ADAMTS18: variants seen among roughly 807,000 people sequenced by gnomAD.
ADAMTS18 encodes ADAM metallopeptidase with thrombospondin type 1 motif 18, also known as A disintegrin and metalloproteinase with thrombospondin motifs 18.
ADAMTS18 carries 157 observed loss-of-function variants against 165.9 expected under a neutral mutation model. That is an observed-to-expected ratio of 0.95 (90% CI 0.83 to 1.08). The LOEUF (loss-of-function observed/expected upper bound fraction) is 1.08, where lower values mean the gene tolerates loss of function less well. Among genes scored for constraint, ADAMTS18 ranks in the 50% least tolerant of loss-of-function variants. ADAMTS18 has a pLI of 0.00. For synonymous variants in ADAMTS18, 782 were observed against 578.2 expected (o/e 1.35, Z -5.06); for missense variants, 2,040 against 1,534.0 (o/e 1.33, Z -5.51).
chr16:77,362,247 G>A lies in ADAMTS18; in HGVS notation c.1074C>T (p.Asn358=), dbSNP rs2056726819. Residue 358 remains asparagine, a synonymous_variant, in exon 7 of 23, where the codon AAC becomes AAT. Coordinates refer to ENST00000282849, the MANE Select transcript of ADAMTS18 (RefSeq NM_199355.4). ...LEQEPGGLLI[N]HHADQSLNSF... ...TATTCAGAGACTGGTCTGCATGATG[G>A]TTGATCAATAATCCTCCCTATGGGA... 1 of 1,614,022 alleles carries A rather than the reference G, an allele frequency of 6.2e-7. No individual in the cohort carries two copies. The highest frequency in any genetic ancestry group is 1.3e-5 in the African/African-American group (1 of 74,938).
intron 10 of ADAMTS18, among the ~76,000 whole-genome samples, chr16:77,349,184 T>C (rs2056519411): frequency 6.6e-6 from 1 of 152,262 alleles, no homozygotes; most frequent in African/African-American, 2.4e-5. Context: ...AAGTTAAATG[T>C]TGGAACCCCA....
At chr16:77,423,539 A>G (rs1188537257) in intron 3 of ADAMTS18, among the ~76,000 whole-genome samples, 1 of 152,148 alleles carries the variant, frequency 6.6e-6, no homozygotes, top group African/African-American at 2.4e-5. Context: ...GAGAAGTACT[A>G]TCATTATCCT....
intron 3 of ADAMTS18, among the ~76,000 whole-genome samples, chr16:77,400,490 T>G (rs1360744800): frequency 1.3e-4 from 19 of 148,996 alleles, no homozygotes; most frequent in South Asian, 6.3e-4. Flanking sequence ...GTTTTGTTTT[T>G]TTTTTTTTTG....
rs140390710 is a variant in ADAMTS18 at position 77,408,239 on chromosome 16, G to A, written c.495+23056C>T. Among the ~76,000 whole-genome samples, 958 of 152,232 alleles carry A rather than the reference G, an allele frequency of 6.3e-3. 13 individuals are homozygous for A. Among genetic ancestry groups the A allele is most frequent in the African/African-American group, 0.022 (921 of 41,554 alleles). ...CAAAGATGAGGAACATGTGGAACTT[G>A]TGTGGAGAGTTTGTGGGAATGTAAA... On this transcript the variant is annotated intron_variant, in intron 3 of 22. Transcript: ENST00000282849.
At chr16:77,376,809 C>CTTT (rs549942617) in intron 3 of ADAMTS18, among the ~76,000 whole-genome samples, 1,045 of 103,426 alleles carry the variant, frequency 0.01, 28 homozygotes, top group African/African-American at 0.018. Context: ...CTAAATCATT[C>CTTT]TTTTTTTTTT....
At chr16:77,373,608 C>T (rs542206128) in intron 3 of ADAMTS18, among the ~76,000 whole-genome samples, 6 of 151,966 alleles carry the variant, frequency 3.9e-5, no homozygotes, top group South Asian at 4.2e-4. Flanking sequence ...AAATTGGGTG[C>T]GGTGTATACT....
At chr16:77,308,914 T>C (rs185318196) in intron 16 of ADAMTS18, among the ~76,000 whole-genome samples, 1 of 152,298 alleles carries the variant, frequency 6.6e-6, no homozygotes, top group African/African-American at 2.4e-5. Flanking sequence ...AGAATTAAAA[T>C]AGATTTAGTT....
intron 16 of ADAMTS18, among the ~76,000 whole-genome samples, chr16:77,308,317 T>C (rs2055718137): frequency 6.6e-6 from 1 of 152,240 alleles, no homozygotes; most frequent in Admixed American, 6.5e-5. Context: ...CAGACAGGGA[T>C]GAAGTTACTT....
chr16:77,432,073 C>T (rs1184506314), intron 2 of ADAMTS18, among the ~76,000 whole-genome samples: 1 of 152,152 alleles, frequency 6.6e-6, no homozygotes, highest in African/African-American at 2.4e-5. Flanking sequence ...GAATCGGGAA[C>T]ATTTTGGCAG....
intron 3 of ADAMTS18, among the ~76,000 whole-genome samples, chr16:77,376,060 C>T (rs575606862): frequency 3.3e-5 from 5 of 151,952 alleles, no homozygotes; most frequent in African/African-American, 9.7e-5. Context: ...TGGGCCACCA[C>T]GCCCGGCTAA....
chr16:77,421,867 T>TC (rs1299724849), intron 3 of ADAMTS18, among the ~76,000 whole-genome samples: 1 of 152,122 alleles, frequency 6.6e-6, no homozygotes, highest in Non-Finnish European at 1.5e-5. Context: ...TAAACATTAA[T>TC]CAGAAGAAAA....
chr16:77,302,503 A>C lies in ADAMTS18; in HGVS notation c.2533-2099T>G, dbSNP rs1318239018. Among the ~76,000 whole-genome samples the C allele has an allele frequency of 3.3e-5, 5 of 152,176 alleles. No homozygotes were observed. The East Asian group carries it at 9.6e-4, about 29-fold the overall frequency. On this transcript the variant is annotated intron_variant, in intron 16 of 22. Transcript: ENST00000282849. ...TATTGCAGTACAAAGAGGTCGCATCACACACATACGCACATAGTAGGGGCA... is the reference window on the plus strand; with the variant it reads ...TATTGCAGTACAAAGAGGTCGCATCCCACACATACGCACATAGTAGGGGCA...
rs1284158646 is a variant in ADAMTS18 at position 77,362,224 on chromosome 16, T to C, written c.1097A>G (p.Asn366Ser). Residue 366 changes from asparagine to serine, a missense_variant, in exon 7 of 23, where the codon AAT becomes AGT. By Grantham distance (46) the Asn-to-Ser change is conservative (BLOSUM62 1). Transcript: ENST00000282849. ...LINHHADQSL[N>S]SFCQWQSALI... ...GGCAGACTGCCATTGACAAAAACTATTCAGAGACTGGTCTGCATGATGGTT... is the reference window on the plus strand; with the variant it reads ...GGCAGACTGCCATTGACAAAAACTACTCAGAGACTGGTCTGCATGATGGTT... The C allele has an allele frequency of 6.2e-7, 1 of 1,614,144 alleles. No homozygotes were observed. The highest frequency in any genetic ancestry group is 8.5e-7 in the Non-Finnish European group (1 of 1,180,004).
intron 3 of ADAMTS18, among the ~76,000 whole-genome samples, chr16:77,387,053 T>C (rs888707054): frequency 1.3e-5 from 2 of 152,324 alleles, no homozygotes; most frequent in East Asian, 3.9e-4. Context: ...TGCATACTAA[T>C]ATGCCCCACC....
chr16:77,293,290 C>G (rs1346038745), intron 19 of ADAMTS18, 32 bp from the exon 20 acceptor site: 1 of 1,587,734 alleles, frequency 6.3e-7, no homozygotes, highest in Non-Finnish European at 8.6e-7. Flanking sequence ...TATTTGCATT[C>G]CCATTAGGTT....
At position 77,434,576 on chromosome 16, in the gene ADAMTS18, G is replaced by A. The variant is rs377396381; in HGVS notation, c.90+30C>T. On this transcript the variant is annotated intron_variant, in intron 1 of 22. Coordinates refer to ENST00000282849, the MANE Select transcript of ADAMTS18 (RefSeq NM_199355.4). ...TGGCGTCGGGCGCCCCCTGCCACCC[G>A]CTCTCGGAGCTCCGCTCGGCGGCAC... 2,485 of 1,528,970 alleles carry A rather than the reference G, an allele frequency of 1.6e-3. 3 individuals are homozygous for A. Among genetic ancestry groups the A allele is most frequent in the Non-Finnish European group, 2.0e-3 (2,238 of 1,142,916 alleles). The allele number at this position is 1,528,970 out of a possible 1,614,324, so 94.7% of individuals were successfully genotyped here.
chr16:77,289,856 C>T (rs1170103434), intron 21 of ADAMTS18, among the ~76,000 whole-genome samples: 1 of 152,154 alleles, frequency 6.6e-6, no homozygotes, highest in African/African-American at 2.4e-5. Context: ...GGAATTAGGT[C>T]CTCGGTGCCC....
At chr16:77,353,610 A>G (rs1021979845) in intron 10 of ADAMTS18, 123 bp downstream of exon 10, 265 of 1,325,068 alleles carry the variant, frequency 2.0e-4, no homozygotes, top group Non-Finnish European at 2.7e-4. Flanking sequence ...CAAACAACTG[A>G]CACGGTAGAG....
chr16:77,316,820 C>A (rs147143212), intron 16 of ADAMTS18, among the ~76,000 whole-genome samples: 1 of 152,202 alleles, frequency 6.6e-6, no homozygotes, highest in East Asian at 1.9e-4. Context: ...CAGGCATGCA[C>A]CACCACGCCT....
Sources: gnomAD v4.1 joint callset for allele counts (sites outside exome capture counted in the v4.1 genomes callset) on GRCh38, gnomAD v4.1.1 for gene constraint, MANE v1.5 for transcripts, NCBI Gene and HGNC (gene_info 2026-07-23, HGNC 2026-07-21) for gene names.